The following DNAJC11 variants were observed in gnomAD, a reference collection of about 807,000 sequenced individuals.
DNAJC11 encodes DnaJ heat shock protein family (Hsp40) member C11.
In DNAJC11, 15 loss-of-function variants were observed where a neutral mutation model predicts 78.6. The ratio of observed to expected loss-of-function variants is 0.19; its 90% CI spans 0.13 to 0.29. The LOEUF is 0.29. Ranked by LOEUF, DNAJC11 falls within the 10% of genes least tolerant of loss-of-function variation. DNAJC11 has a pLI of 1.00. For missense variants in DNAJC11, 547 were observed against 709.6 expected, an observed-to-expected ratio of 0.77 and a Z score of 2.60; for synonymous variants, 292 against 272.1, an observed-to-expected ratio of 1.07 and a Z score of -0.72.
intron 3 of DNAJC11, among the ~76,000 whole-genome samples, chr1:6,677,930 T>C (rs1642495937): frequency 6.6e-6 from 1 of 152,234 alleles, no homozygotes; most frequent in South Asian, 2.1e-4. Context: ...GCTTCCATTT[T>C]GCTCACGTGC....
intron 10 of DNAJC11, among the ~76,000 whole-genome samples, chr1:6,643,714 G>A (rs1641920788): frequency 6.6e-6 from 1 of 152,162 alleles, no homozygotes; most frequent in Non-Finnish European, 1.5e-5. Flanking sequence ...GCTGTGCCCG[G>A]GGGATAGCTG....
chr1:6,644,565 T>A lies in DNAJC11; in HGVS notation c.1090A>T (p.Lys364Ter). ...GGCCTAAGTTCAACTTACTTGACTT[T>A]GAGAGAAACACCCTGTGGAACTCCA... ...SVGVPQGVSL[K>*]VKLNRASQTY... Residue 364 changes from lysine (K) to a stop codon, truncating the protein, a stop_gained, in exon 10 of 16, where the codon AAA (lysine) becomes TAA (stop). Transcript: ENST00000377577. LOFTEE classifies it high-confidence loss of function. 6.2e-7 allele frequency: 1 copy of A among 1,613,234 alleles called. No individual in the cohort carries two copies. The highest frequency in any genetic ancestry group is 8.5e-7 in the Non-Finnish European group (1 of 1,179,158).
In DNAJC11 at chr1:6,652,871, G is replaced by A. The variant is rs754334761; in HGVS notation, c.588C>T (p.Asn196=). The change falls in exon 6 of 16, where the codon AAC becomes AAT. Residue 196 remains asparagine (N), a synonymous_variant. Coordinates refer to ENST00000377577, the MANE Select transcript of DNAJC11 (RefSeq NM_018198.4). ...CCGAAGTTACTCGTCTGAGCGCAAA[G>A]TTAATGGAACCTCCTCCATTTCCAT... ...TQNGNGGGSI[N]FALRRVTSAK... is the part of the protein sequence containing the mutation. 2 of 1,614,050 alleles carry A rather than the reference G, an allele frequency of 1.2e-6. No homozygotes were observed. Among genetic ancestry groups the A allele is most frequent in the African/African-American group, 2.7e-5 (2 of 74,932 alleles).
chr1:6,667,042 TC>T (rs1642304322), intron 4 of DNAJC11, among the ~76,000 whole-genome samples: 2 of 151,998 alleles, frequency 1.3e-5, no homozygotes, highest in African/African-American at 2.4e-5. Context: ...CAGAACAACC[TC>T]CCCAGCAAAC....
At chr1:6,677,594 G>C (rs1642484290) in intron 3 of DNAJC11, among the ~76,000 whole-genome samples, 1 of 152,136 alleles carries the variant, frequency 6.6e-6, no homozygotes, top group Non-Finnish European at 1.5e-5. Context: ...ACTTTGCCTG[G>C]GTCAGAACAA....
chr1:6,668,651 C>T (rs532627105), intron 3 of DNAJC11, among the ~76,000 whole-genome samples: 73 of 151,982 alleles, frequency 4.8e-4, no homozygotes, highest in African/African-American at 1.8e-3. Flanking sequence ...CCAGGTTGGC[C>T]TCAAACTCTT....
Position 6,634,384 on chromosome 1 carries a change from C to T in DNAJC11, c.*1291G>A. ...AGATGAATGTTACAGAATTGGACAA[C>T]CCGAACTGCTTTTCAAAACCAGAGG... On this transcript the variant is annotated 3_prime_UTR_variant, in exon 16 of 16. Transcript: ENST00000377577. 8.4e-7 allele frequency: 1 copy of T among 1,191,880 alleles called. No homozygotes were observed. The highest frequency in any genetic ancestry group is 4.0e-5 in the East Asian group (1 of 25,198). The allele number at this position is 1,191,880 out of a possible 1,614,324, so 73.8% of individuals were successfully genotyped here.
chr1:6,682,019 A>G (rs1642560941), intron 1 of DNAJC11, among the ~76,000 whole-genome samples: 1 of 152,074 alleles, frequency 6.6e-6, no homozygotes, highest in African/African-American at 2.4e-5. Flanking sequence ...AGGGGCCCCA[A>G]AAATCTGCCA....
intron 4 of DNAJC11, among the ~76,000 whole-genome samples, chr1:6,655,306 TA>T (rs1642110697): frequency 6.6e-6 from 1 of 152,196 alleles, no homozygotes; most frequent in African/African-American, 2.4e-5. Flanking sequence ...AAAATTTTCT[TA>T]TTAAATCAAG....
At chr1:6,677,280 C>T (rs1642480191) in intron 3 of DNAJC11, among the ~76,000 whole-genome samples, 1 of 151,660 alleles carries the variant, frequency 6.6e-6, no homozygotes, top group Non-Finnish European at 1.5e-5. Context: ...ATTTATTGGG[C>T]ATCAGAACCA....
intron 4 of DNAJC11, chr1:6,654,284 A>T (rs1336167007): frequency 2.7e-6 from 1 of 369,996 alleles, no homozygotes; most frequent in Admixed American, 4.2e-5. Flanking sequence ...GCCGGTCCGC[A>T]TGTCTGCAGA....
intron 7 of DNAJC11, among the ~76,000 whole-genome samples, chr1:6,650,099 A>G (rs1275873968): frequency 6.8e-6 from 1 of 147,378 alleles, no homozygotes; most frequent in African/African-American, 2.5e-5. Flanking sequence ...AGCCTGGCCA[A>G]CAAGGAGAAA....
In DNAJC11 at chr1:6,638,197, A is replaced by G. The variant is rs1255267923; in HGVS notation, c.1323+98T>C. 9 of 1,218,012 alleles carry G rather than the reference A, an allele frequency of 7.4e-6. No homozygotes were observed. In the African/African-American group the frequency reaches 7.6e-5, roughly 10 times the overall value. The allele number at this position is 1,218,012 out of a possible 1,614,324, so 75.5% of individuals were successfully genotyped here. A position where few individuals can be genotyped will look rare whatever the true frequency, so the allele number is the denominator to read the frequency against. On this transcript the variant is annotated intron_variant, in intron 12 of 15. Transcript: ENST00000377577. Reference sequence around the variant, plus strand: ...ACTAAGTGGAGAGCCAAGTTGTTGGAGAAGAGAAGTCTGACCTCTAAGGCC... The same window carrying G: ...ACTAAGTGGAGAGCCAAGTTGTTGGGGAAGAGAAGTCTGACCTCTAAGGCC...
chr1:6,693,948 G>A (rs2147886387), intron 1 of DNAJC11, among the ~76,000 whole-genome samples: 1 of 148,422 alleles, frequency 6.7e-6, no homozygotes, highest in South Asian at 2.1e-4. Context: ...AGATTCTCCT[G>A]CTTCAGCCTT....
chr1:6,670,906 C>G (rs1642369866), intron 3 of DNAJC11: 2 of 152,158 alleles, frequency 1.3e-5, no homozygotes, highest in Non-Finnish European at 2.9e-5. Context: ...CATGTCAGCC[C>G]CTCCCTGCAT....
intron 7 of DNAJC11, among the ~76,000 whole-genome samples, chr1:6,648,491 C>T (rs922659491): frequency 6.6e-6 from 1 of 152,098 alleles, no homozygotes; most frequent in African/African-American, 2.4e-5. Context: ...GGGTCTTGCT[C>T]TGTCACCTAG....
intron 1 of DNAJC11, among the ~76,000 whole-genome samples, chr1:6,698,017 C>T (rs914504766): frequency 3.9e-5 from 6 of 152,158 alleles, no homozygotes; most frequent in African/African-American, 1.2e-4. Context: ...GTCTCCATCT[C>T]CTGACCTCGT....
chr1:6,688,787 A>G (rs1373263845), intron 1 of DNAJC11, among the ~76,000 whole-genome samples: 2 of 152,196 alleles, frequency 1.3e-5, no homozygotes, highest in Non-Finnish European at 2.9e-5. Context: ...AGAAACACAG[A>G]ACACTGACCA....
At chr1:6,642,537 A>C (rs1641893552) in intron 10 of DNAJC11, among the ~76,000 whole-genome samples, 3 of 152,094 alleles carry the variant, frequency 2.0e-5, no homozygotes, top group Non-Finnish European at 4.4e-5. Context: ...CAGAGCTCTC[A>C]TTTACTGAGA....
Sources: allele counts gnomAD v4.1 joint callset (sites outside exome capture counted in the v4.1 genomes callset), GRCh38; gene constraint gnomAD v4.1.1; transcripts MANE v1.5; gene names NCBI Gene and HGNC (gene_info 2026-07-23, HGNC 2026-07-21).